The following BICD1 variants were observed in gnomAD, a reference collection of about 807,000 sequenced individuals.
BICD1 encodes the protein BICD cargo adaptor 1, also known as protein bicaudal D homolog 1.
Under a neutral mutation model 92.5 loss-of-function variants are expected in BICD1, and 35 were observed. The observed-to-expected ratio is 0.38, with a 90% confidence interval of 0.29 to 0.50. The LOEUF is 0.50. Among genes scored for constraint, BICD1 ranks in the 20% least tolerant of loss-of-function variants. The pLI is 0.93. For synonymous variants in BICD1, 429 were observed against 465.1 expected, an observed-to-expected ratio of 0.92 and a Z score of 1.00; for missense variants, 950 against 1,189.8, an observed-to-expected ratio of 0.80 and a Z score of 2.97.
chr12:32,285,682 T>A (rs1947543505), intron 2 of BICD1, among the ~76,000 whole-genome samples: 1 of 152,056 alleles, frequency 6.6e-6, no homozygotes, highest in Non-Finnish European at 1.5e-5. Flanking sequence ...GCTAATCCCC[T>A]CTCCCCTGAG....
chr12:32,229,772 G>A (rs1038503382), intron 2 of BICD1, among the ~76,000 whole-genome samples: 18 of 152,184 alleles, frequency 1.2e-4, no homozygotes, highest in African/African-American at 3.6e-4. Context: ...ATGGGCTCAC[G>A]TGCAAGTTGT....
chr12:32,215,242 A>G (rs966916774), intron 1 of BICD1, among the ~76,000 whole-genome samples: 3 of 152,142 alleles, frequency 2.0e-5, no homozygotes, highest in Non-Finnish European at 4.4e-5. Flanking sequence ...AGAAAAAAGA[A>G]CCATGTGAAA....
At chr12:32,339,730 G>T (rs564271395) in intron 8 of BICD1, 1 of 985,346 alleles carries the variant, frequency 1.0e-6, no homozygotes, top group South Asian at 4.7e-5. Flanking sequence ...GGCAGAAGTG[G>T]CAAACAAGGA....
intron 2 of BICD1, among the ~76,000 whole-genome samples, chr12:32,252,918 C>T (rs1270380984): frequency 2.0e-5 from 3 of 152,162 alleles, no homozygotes; most frequent in African/African-American, 7.2e-5. Context: ...GTCATCCCGG[C>T]TGGAGTGCAG....
intron 2 of BICD1, among the ~76,000 whole-genome samples, chr12:32,258,201 A>G (rs1334875907): frequency 6.6e-6 from 1 of 152,130 alleles, no homozygotes; most frequent in East Asian, 1.9e-4. Context: ...TTTCATTTCA[A>G]TACTTACTTT....
chr12:32,268,072 A>G (rs1947046367), intron 2 of BICD1, among the ~76,000 whole-genome samples: 2 of 152,192 alleles, frequency 1.3e-5, no homozygotes, highest in Non-Finnish European at 2.9e-5. Context: ...CACTGGGATT[A>G]CAGGTGTGAG....
intron 2 of BICD1, among the ~76,000 whole-genome samples, chr12:32,226,283 T>G (rs1208298624): frequency 1.3e-5 from 2 of 152,048 alleles, no homozygotes; most frequent in African/African-American, 4.8e-5. Context: ...TACAGGCACA[T>G]GCCACCATGC....
chr12:32,151,742 A>C (rs1445933078), intron 1 of BICD1, among the ~76,000 whole-genome samples: 1 of 152,192 alleles, frequency 6.6e-6, no homozygotes, highest in East Asian at 1.9e-4. Flanking sequence ...ACTGAGTCAG[A>C]GTACACTGAG....
chr12:32,324,711 G>T (rs560499171), intron 4 of BICD1, among the ~76,000 whole-genome samples: 3 of 152,186 alleles, frequency 2.0e-5, no homozygotes, highest in African/African-American at 7.2e-5. Context: ...CAGTAGCTGG[G>T]ATTACAGGTG....
intron 2 of BICD1, among the ~76,000 whole-genome samples, chr12:32,253,267 C>T (rs573819047): frequency 1.2e-4 from 19 of 152,184 alleles, no homozygotes; most frequent in African/African-American, 4.1e-4. Flanking sequence ...TTTTCTGTTA[C>T]ATTATTAATA....
intron 1 of BICD1, among the ~76,000 whole-genome samples, chr12:32,193,394 A>T (rs964198856): frequency 6.6e-6 from 1 of 152,240 alleles, no homozygotes; most frequent in African/African-American, 2.4e-5. Context: ...GCACATTACT[A>T]GACTACAGTA....
At chr12:32,335,766 G>C (rs1008258292) in intron 6 of BICD1, among the ~76,000 whole-genome samples, 1 of 151,260 alleles carries the variant, frequency 6.6e-6, no homozygotes, top group African/African-American at 2.4e-5. Flanking sequence ...TGTGGTTTTT[G>C]TGGAGGCAGG....
At chr12:32,132,703 A>C (rs1014452921) in intron 1 of BICD1, among the ~76,000 whole-genome samples, 3 of 152,200 alleles carry the variant, frequency 2.0e-5, no homozygotes, top group African/African-American at 7.2e-5. Flanking sequence ...GGAATGTGAG[A>C]GGGGCAGTGG....
intron 6 of BICD1, among the ~76,000 whole-genome samples, chr12:32,335,562 A>G (rs997852364): frequency 1.3e-5 from 2 of 149,788 alleles, no homozygotes; most frequent in Non-Finnish European, 3.0e-5. Flanking sequence ...GTCACAATGC[A>G]GTGTCAAAAA....
At position 32,334,552 on chromosome 12, in the gene BICD1, T is replaced by C; in HGVS notation, c.2137T>C (p.Tyr713His). The C allele has an allele frequency of 6.2e-7, 1 of 1,611,736 alleles. No individual in the cohort carries two copies. The change falls in exon 6 of 10, where the codon TAT becomes CAT. Residue 713 changes from tyrosine to histidine, a missense_variant. Transcript: ENST00000652176. ...GGCGCTAGCTAATCTCAAGAACAAA[T>C]ATGAAAATGAAAAAGCAATGGTGAC... ...EVALANLKNK[Y>H]ENEKAMVTET... is the part of the protein sequence containing the mutation.
At chr12:32,213,269 ATTTTGTAC>A (rs1945267478) in intron 1 of BICD1, among the ~76,000 whole-genome samples, 4 of 152,290 alleles carry the variant, frequency 2.6e-5, no homozygotes, top group Admixed American at 2.6e-4. Flanking sequence ...CCGACCAGTG[ATTTTGTAC>A]AATGTCCCCA....
At chr12:32,127,503 G>A (rs1337516366) in intron 1 of BICD1, among the ~76,000 whole-genome samples, 1 of 152,036 alleles carries the variant, frequency 6.6e-6, no homozygotes, top group African/African-American at 2.4e-5. Flanking sequence ...GTCTATTTTT[G>A]GACTATTCTG....
At chr12:32,177,505 G>C (rs760360289) in intron 1 of BICD1, among the ~76,000 whole-genome samples, 3 of 148,578 alleles carry the variant, frequency 2.0e-5, no homozygotes, top group Non-Finnish European at 4.4e-5. Flanking sequence ...TCCAAATTTT[G>C]TAAGACAAAC....
At chr12:32,182,455 G>A (rs1944306178) in intron 1 of BICD1, among the ~76,000 whole-genome samples, 1 of 151,090 alleles carries the variant, frequency 6.6e-6, no homozygotes, top group African/African-American at 2.4e-5. Context: ...GGTAATTTTT[G>A]TATTTTTAGT....
Sources: allele counts gnomAD v4.1 joint callset (sites outside exome capture counted in the v4.1 genomes callset), GRCh38; gene constraint gnomAD v4.1.1; transcripts MANE v1.5; gene names NCBI Gene and HGNC (gene_info 2026-07-23, HGNC 2026-07-21).